The following POGLUT2 variants were observed in gnomAD, a reference collection of about 807,000 sequenced individuals.
The protein encoded by POGLUT2 is ER protein 58.
A neutral mutation model predicts 57.6 loss-of-function variants in POGLUT2; 47 were observed. That is an observed-to-expected ratio of 0.82 (90% confidence interval 0.65 to 1.04). The LOEUF (loss-of-function observed/expected upper bound fraction) is 1.04. Ranked by LOEUF, POGLUT2 falls within the 50% of genes least tolerant of loss-of-function variation. The pLI, the probability that POGLUT2 is intolerant of heterozygous loss-of-function variation, is 0.00. For missense variants in POGLUT2, 565 were observed against 614.8 expected, an observed-to-expected ratio of 0.92 and a Z score of 0.86; for synonymous variants, 200 against 218.8, an observed-to-expected ratio of 0.91 and a Z score of 0.76.
rs79443640 is a variant in POGLUT2 at position 102,791,284 on chromosome 13, A to C, written c.819T>G (p.Thr273=). The C allele has an allele frequency of 1.2e-6, 2 of 1,607,280 alleles. No homozygotes were observed. The highest frequency in any genetic ancestry group is 4.5e-5 in the East Asian group (2 of 44,838). Reference sequence around the variant, plus strand: ...GGCCCATGGTTTCCAGAACAGAATCAGTCAAATCGTACGTAGGCATCACGA... The same window carrying C: ...GGCCCATGGTTTCCAGAACAGAATCCGTCAAATCGTACGTAGGCATCACGA... The part of the protein sequence containing the change: ...KDIVMPTYDL[T]DSVLETMGRV... The change falls in exon 5 of 10, where the codon ACT becomes ACG. Residue 273 remains threonine (T), a synonymous_variant. Transcript: ENST00000376004.
intron 2 of POGLUT2, among the ~76,000 whole-genome samples, chr13:102,795,933 T>C (rs1236281778): frequency 6.6e-6 from 1 of 152,116 alleles, no homozygotes; most frequent in Non-Finnish European, 1.5e-5. Context: ...TACTGTCTTG[T>C]GGTACTGTCG....
In POGLUT2 at chr13:102,798,733, G is replaced by C; in HGVS notation, c.-63C>G. 6.9e-7 allele frequency: 1 copy of C among 1,442,368 alleles called. No homozygotes were observed. Among genetic ancestry groups the C allele is most frequent in the Non-Finnish European group, 9.2e-7 (1 of 1,088,500 alleles). The allele number at this position is 1,442,368 out of a possible 1,614,324, so 89.3% of individuals were successfully genotyped here. On this transcript the variant is annotated 5_prime_UTR_variant, in exon 1 of 10. Coordinates refer to ENST00000376004, the MANE Select transcript of POGLUT2 (RefSeq NM_024089.3). Reference sequence around the variant, plus strand: ...GAAGAAGTGTAAGAGGTGGACAGAAGCAGCCGAGCCTTCGGCAGGGACCCG... The same window carrying C: ...GAAGAAGTGTAAGAGGTGGACAGAACCAGCCGAGCCTTCGGCAGGGACCCG...
At chr13:102,788,203 T>C (rs1184181233) in intron 7 of POGLUT2, among the ~76,000 whole-genome samples, 1 of 152,270 alleles carries the variant, frequency 6.6e-6, no homozygotes, top group Non-Finnish European at 1.5e-5. Context: ...GATGACTTTG[T>C]AAACGCAAGA....
chr13:102,791,867 TGC>T (rs1878193469), intron 4 of POGLUT2: 2 of 658,552 alleles, frequency 3.0e-6, no homozygotes, highest in Non-Finnish European at 4.6e-6. Flanking sequence ...TTTCAAGCTA[TGC>T]TTCCTTCCTC....
chr13:102,786,370 T>C, intron 8 of POGLUT2, 31 bp from the exon 9 acceptor site: 1 of 1,361,056 alleles, frequency 7.3e-7, no homozygotes, highest in Non-Finnish European at 1.1e-6. Context: ...AAGCATTCCT[T>C]ATAAAACACT....
intron 8 of POGLUT2, among the ~76,000 whole-genome samples, chr13:102,787,465 A>T (rs1278890660): frequency 6.6e-6 from 1 of 152,238 alleles, no homozygotes; most frequent in Admixed American, 6.5e-5. Context: ...CAGAGTCAAG[A>T]CAAGAGGCCC....
chr13:102,793,533 T>G (rs1206991760), intron 3 of POGLUT2, 68 bp downstream of exon 3: 2 of 1,427,682 alleles, frequency 1.4e-6, no homozygotes, highest in Non-Finnish European at 2.0e-6. Flanking sequence ...TTTAGCTAAT[T>G]GTAGCCAAAT....
chr13:102,798,237 T>G (rs911624263), intron 1 of POGLUT2, among the ~76,000 whole-genome samples: 15 of 152,194 alleles, frequency 9.9e-5, no homozygotes, highest in African/African-American at 3.1e-4. Flanking sequence ...TGGAGGGACT[T>G]TGTCTTGCCC....
Position 102,793,363 on chromosome 13 carries a change from A to T in POGLUT2, c.650T>A (p.Ile217Lys). The T allele has an allele frequency of 6.3e-7, 1 of 1,575,626 alleles. No individual in the cohort carries two copies. The highest frequency in any genetic ancestry group is 8.7e-7 in the Non-Finnish European group (1 of 1,145,388). ...TACCTTTCTAGTCAAAGAAAGTAGTATGGCATCCATGAAAATTCTAAAACC... is the reference window on the plus strand; with the variant it reads ...TACCTTTCTAGTCAAAGAAAGTAGTTTGGCATCCATGAAAATTCTAAAACC... ...HVGFRIFMDA[I>K]LLSLTRKVKM... Residue 217 changes from isoleucine to lysine, a missense_variant, in exon 4 of 10, where the codon ATA becomes AAA. Transcript: ENST00000376004.
intron 9 of POGLUT2, among the ~76,000 whole-genome samples, chr13:102,786,013 C>T (rs1877926403): frequency 1.3e-5 from 2 of 152,182 alleles, no homozygotes; most frequent in African/African-American, 4.8e-5. Flanking sequence ...CCCCACTTTG[C>T]CAGGGAGCTA....
At chr13:102,788,409 T>C (rs757484211) in intron 7 of POGLUT2, among the ~76,000 whole-genome samples, 17 of 152,244 alleles carry the variant, frequency 1.1e-4, no homozygotes, top group Non-Finnish European at 2.4e-4. Flanking sequence ...GAGGCAATGC[T>C]TGTGGCTCAG....
chr13:102,793,572 A>G, intron 3 of POGLUT2, 29 bp downstream of exon 3: 1 of 1,587,612 alleles, frequency 6.3e-7, no homozygotes, highest in Non-Finnish European at 8.6e-7. Context: ...AATCACTAAA[A>G]CAAACAAGCA....
chr13:102,786,410 T>C (rs1455800070), intron 8 of POGLUT2, 71 bp from the exon 9 acceptor site: 2 of 957,432 alleles, frequency 2.1e-6, no homozygotes, highest in African/African-American at 3.2e-5. Context: ...GAGGCTAGAA[T>C]ATATGAAGAC....
intron 1 of POGLUT2, among the ~76,000 whole-genome samples, chr13:102,798,213 T>C (rs1044353573): frequency 6.6e-6 from 1 of 152,226 alleles, no homozygotes; most frequent in African/African-American, 2.4e-5. Context: ...TTAGAAACAG[T>C]ATTTCCAGCA....
At chr13:102,794,200 C>T (rs1055473846) in intron 2 of POGLUT2, among the ~76,000 whole-genome samples, 3 of 151,952 alleles carry the variant, frequency 2.0e-5, no homozygotes, top group African/African-American at 7.3e-5. Flanking sequence ...TTGCGCCACT[C>T]CATCCTGGGC....
rs763255851 is a variant in POGLUT2 at position 102,793,401 on chromosome 13, A to G, written c.612T>C (p.His204=). 26 of 1,590,920 alleles carry G rather than the reference A, an allele frequency of 1.6e-5. No homozygotes were observed. Among genetic ancestry groups the G allele is most frequent in the Non-Finnish European group, 2.0e-5 (23 of 1,159,530 alleles). ...LKDNKVYIKT[H]GEHVGFRIFM... ...AAATTCTAAAACCTACATGTTCACC[A>G]TGAGTCTTGATATAAACCTAAAAGA... Residue 204 remains histidine, a synonymous_variant, in exon 4 of 10, where the codon CAT becomes CAC. Coordinates refer to ENST00000376004, the MANE Select transcript of POGLUT2 (RefSeq NM_024089.3).
At chr13:102,794,168 T>C (rs1878289234) in intron 2 of POGLUT2, among the ~76,000 whole-genome samples, 2 of 151,900 alleles carry the variant, frequency 1.3e-5, no homozygotes, top group African/African-American at 4.8e-5. Context: ...GCCCAGGAGG[T>C]TGAAGCTGCA....
intron 9 of POGLUT2, among the ~76,000 whole-genome samples, chr13:102,785,325 C>A (rs1212613184): frequency 1.3e-5 from 2 of 152,094 alleles, no homozygotes; most frequent in Non-Finnish European, 2.9e-5. Context: ...CCTTTTACAC[C>A]TCCTTGAGAG....
Position 102,798,860 on chromosome 13 carries a change from C to G in POGLUT2, c.-190G>C. The G allele has an allele frequency of 2.0e-6, 1 of 512,352 alleles. No homozygotes were observed. Among genetic ancestry groups the G allele is most frequent in the Non-Finnish European group, 3.3e-6 (1 of 301,804 alleles). 31.7% of individuals were successfully genotyped at this position (512,352 alleles called of 1,614,324 possible). On this transcript the variant is annotated 5_prime_UTR_variant, in exon 1 of 10. Coordinates refer to ENST00000376004, the MANE Select transcript of POGLUT2 (RefSeq NM_024089.3). ...CCCCAGGACAATCAAAGCCCGTGCC[C>G]CGGCGCGCCCAGGTGAGGGTCCCCT...
Sources: allele counts gnomAD v4.1 joint callset (sites outside exome capture counted in the v4.1 genomes callset), GRCh38; gene constraint gnomAD v4.1.1; transcripts MANE v1.5; gene names NCBI Gene and HGNC (gene_info 2026-07-23, HGNC 2026-07-21).